SLC25A30: variants seen among roughly 807,000 people sequenced by gnomAD.
The protein encoded by SLC25A30 is kidney mitochondrial carrier protein 1.
SLC25A30 carries 29 observed loss-of-function variants against 42.7 expected under a neutral mutation model. The ratio of observed to expected loss-of-function variants is 0.68; its 90% confidence interval spans 0.51 to 0.93. The LOEUF (loss-of-function observed/expected upper bound fraction) is 0.93, where lower values mean the gene tolerates loss of function less well. Among genes scored for constraint, SLC25A30 ranks in the 40% least tolerant of loss-of-function variants. The pLI is 0.00. For synonymous variants in SLC25A30, 124 were observed against 131.0 expected (o/e 0.95, Z 0.37); for missense variants, 300 against 359.7 (o/e 0.83, Z 1.34).
the SLC25A30 span, among the ~76,000 whole-genome samples, chr13:45,428,037 C>T: frequency 2.3e-3 from 344 of 150,674 alleles, 2 homozygotes; most frequent in African/African-American, 8.0e-3. Context: ...GCCACCATGC[C>T]GGCCCCCTAC....
chr13:45,424,811 A>T, the SLC25A30 span, among the ~76,000 whole-genome samples: 137 of 54,386 alleles, frequency 2.5e-3, 9 homozygotes, highest in African/African-American at 9.4e-3. Context: ...TATATAAAAA[A>T]ATATAAATAT....
At chr13:45,419,640 A>G (rs1883827831), upstream of SLC25A30, among the ~76,000 whole-genome samples, 1 of 150,626 alleles carries the variant, frequency 6.6e-6, no homozygotes, top group Non-Finnish European at 1.5e-5. Flanking sequence ...ATTTAAACAT[A>G]TAACTGGGGC....
chr13:45,418,640 A>G (rs1236791139), upstream of SLC25A30: 1 of 152,228 alleles, frequency 6.6e-6, no homozygotes, highest in Non-Finnish European at 1.5e-5. Context: ...GGGAGGTGGA[A>G]GAGAAATTTG....
chr13:45,425,574 GTATATA>G, the SLC25A30 span, among the ~76,000 whole-genome samples: 1 of 53,710 alleles, frequency 1.9e-5, no homozygotes, highest in African/African-American at 7.9e-5. Context: ...ATATATATAA[GTATATA>G]TATAAATATA....
chr13:45,397,321 C>A lies in SLC25A30; in HGVS notation c.771G>T (p.Gly257=), dbSNP rs1044079730. Residue 257 remains glycine, a synonymous_variant, in exon 9 of 10, where the codon GGG becomes GGT. Coordinates refer to ENST00000519676, the MANE Select transcript of SLC25A30 (RefSeq NM_001010875.4). ...DCLLQTWKNE[G]FFALYKGFWP... is the part of the protein sequence containing the mutation. ...AAAAGCCTTTATAGAGAGCAAAAAA[C>A]CCTTCATTCTTCCATGTCTGTTAAA... is the stretch of plus-strand genomic sequence containing the variant. 3 of 1,611,152 alleles carry A rather than the reference C, an allele frequency of 1.9e-6. No homozygotes were observed. The highest frequency in any genetic ancestry group is 1.7e-4 in the Middle Eastern group (1 of 6,056).
chr13:45,431,794 A>T, the SLC25A30 span, among the ~76,000 whole-genome samples: 2 of 152,144 alleles, frequency 1.3e-5, no homozygotes, highest in Non-Finnish European at 2.9e-5. Context: ...ACTCAAACTT[A>T]GTACACCTAA....
At chr13:45,416,388 A>G (rs1414194204) in intron 1 of SLC25A30, among the ~76,000 whole-genome samples, 1 of 152,058 alleles carries the variant, frequency 6.6e-6, no homozygotes, top group Non-Finnish European at 1.5e-5. Flanking sequence ...GGCCTGGGCA[A>G]CAAAAGCAAA....
Position 45,405,883 on chromosome 13 carries a change from C to T in SLC25A30, c.307G>A (p.Asp103Asn). ...LKRLFIERPE[D>N]ETLPINVICG... ...AGTGGAAAACAGATTCCCCACTCACCTTCTGGGCGTTCAATGAATAGTCGC... is the reference window on the plus strand; with the variant it reads ...AGTGGAAAACAGATTCCCCACTCACTTTCTGGGCGTTCAATGAATAGTCGC... The change falls in exon 4 of 10, where the codon GAT becomes AAT. Residue 103 changes from aspartate (D) to asparagine (N), a missense_variant and splice_region_variant. Transcript: ENST00000519676. 4 of 1,614,080 alleles carry T rather than the reference C, an allele frequency of 2.5e-6. 1 individual carries two copies. The highest frequency in any genetic ancestry group is 3.3e-4 in the Middle Eastern group (2 of 6,060).
intron 5 of SLC25A30, chr13:45,402,946 G>T: frequency 3.3e-6 from 1 of 300,548 alleles, no homozygotes; most frequent in Non-Finnish European, 4.9e-6. Context: ...TAAAAAGAAT[G>T]TTTGATGTAG....
At chr13:45,427,168 C>T in the SLC25A30 span, among the ~76,000 whole-genome samples, 3 of 152,202 alleles carry the variant, frequency 2.0e-5, no homozygotes, top group South Asian at 4.2e-4. Context: ...TATCCCAAAA[C>T]ACGGTGCTTT....
chr13:45,399,601 C>T (rs953229986), intron 7 of SLC25A30, among the ~76,000 whole-genome samples: 4 of 152,020 alleles, frequency 2.6e-5, no homozygotes, highest in Admixed American at 2.0e-4. Flanking sequence ...ATATTAGCAC[C>T]GATTATACTA....
At chr13:45,404,437 ACT>A (rs778295443) in intron 4 of SLC25A30, 25 bp from the exon 5 acceptor site, 5 of 1,517,264 alleles carry the variant, frequency 3.3e-6, no homozygotes, top group Non-Finnish European at 4.6e-6. Context: ...ACATTATTTG[ACT>A]CTACATATTT....
At chr13:45,412,648 A>C (rs141008164) in intron 1 of SLC25A30, among the ~76,000 whole-genome samples, 2 of 152,338 alleles carry the variant, frequency 1.3e-5, no homozygotes, top group South Asian at 2.1e-4. Flanking sequence ...AGTTAAATAA[A>C]TGTCAAGCTG....
intron 1 of SLC25A30, among the ~76,000 whole-genome samples, chr13:45,413,993 G>T (rs544944044): frequency 6.6e-5 from 10 of 152,280 alleles, no homozygotes; most frequent in Admixed American, 4.6e-4. Flanking sequence ...AAAATGTGAT[G>T]GAATTGCTTC....
chr13:45,433,380 C>T, the SLC25A30 span, among the ~76,000 whole-genome samples: 6 of 152,148 alleles, frequency 3.9e-5, no homozygotes, highest in African/African-American at 7.2e-5. Flanking sequence ...CTTTTCGGAG[C>T]GTCAGGGAGG....
chr13:45,425,765 T>C, the SLC25A30 span, among the ~76,000 whole-genome samples: 2 of 145,224 alleles, frequency 1.4e-5, no homozygotes, highest in South Asian at 4.2e-4. Context: ...GGAACTCGGC[T>C]CACTGCCGTC....
chr13:45,424,570 A>AATATATAAATATATAAAT, the SLC25A30 span, among the ~76,000 whole-genome samples: 3 of 27,446 alleles, frequency 1.1e-4, no homozygotes, highest in Non-Finnish European at 2.2e-4. Flanking sequence ...TAAATGTATA[A>AATATATAAATATATAAAT]ATATATAAAT....
intron 8 of SLC25A30, chr13:45,397,661 A>C (rs1014043574): frequency 5.5e-6 from 1 of 182,460 alleles, no homozygotes; most frequent in African/African-American, 2.4e-5. Context: ...ACGCCACTGC[A>C]CTCCAGCCTG....
chr13:45,399,294 C>T lies in SLC25A30; in HGVS notation c.615-216G>A, dbSNP rs148982700. Among the ~76,000 whole-genome samples the T allele has an allele frequency of 5.3e-4, 81 of 152,306 alleles. 1 individual carries two copies. Among genetic ancestry groups the T allele is most frequent in the Admixed American group, 3.8e-3 (58 of 15,298 alleles). ...GACCTTGGCTCACTGCAACCTCTGC[C>T]TCCCAAGTTCAAGCGATTCTCCTGC... On this transcript the variant is annotated intron_variant, in intron 7 of 9. Transcript: ENST00000519676.
Sources: allele counts gnomAD v4.1 joint callset (sites outside exome capture counted in the v4.1 genomes callset), GRCh38; gene constraint gnomAD v4.1.1; transcripts MANE v1.5; gene names NCBI Gene and HGNC (gene_info 2026-07-23, HGNC 2026-07-21).